Variants in XRCC2 observed in about 807,000 individuals in gnomAD.
The protein encoded by XRCC2 is X-ray repair cross complementing 2, also known as DNA repair protein XRCC2.
In XRCC2, 24 loss-of-function variants were observed where a neutral mutation model predicts 27.3. The observed-to-expected ratio is 0.88, with a 90% CI of 0.64 to 1.24. XRCC2 has a LOEUF of 1.24. Among genes scored for constraint, XRCC2 ranks in the 50% most tolerant of loss-of-function variants. The pLI is 0.00. For missense variants in XRCC2, 321 were observed against 325.8 expected (o/e 0.99, Z 0.11); for synonymous variants, 106 against 115.4 (o/e 0.92, Z 0.52).
At chr7:152,669,781 A>C (rs1259784324) in intron 1 of XRCC2, among the ~76,000 whole-genome samples, 1 of 152,010 alleles carries the variant, frequency 6.6e-6, no homozygotes, top group Non-Finnish European at 1.5e-5. Flanking sequence ...AGATGTAGCC[A>C]ACACAGTTGC....
chr7:152,662,888 T>A (rs1047360204), intron 1 of XRCC2, among the ~76,000 whole-genome samples: 1 of 152,186 alleles, frequency 6.6e-6, no homozygotes, highest in African/African-American at 2.4e-5. Flanking sequence ...TGCATTTTTT[T>A]AAACCAAATC....
chr7:152,667,977 G>A (rs3218419), intron 1 of XRCC2, among the ~76,000 whole-genome samples: 108 of 147,502 alleles, frequency 7.3e-4, no homozygotes, highest in African/African-American at 2.6e-3. Flanking sequence ...GCAGTGAGCC[G>A]AGATCACACC....
Position 152,660,851 on chromosome 7 carries a change from C to T in XRCC2, c.40-69G>A, listed in dbSNP as rs935295468. Reference sequence around the variant, plus strand: ...AAAATCCTAGACATCTATATTTATACCATTTTCCGAAAGTCTGTAAGATTT... The same window carrying T: ...AAAATCCTAGACATCTATATTTATATCATTTTCCGAAAGTCTGTAAGATTT... On this transcript the variant is annotated intron_variant, in intron 1 of 2. Coordinates refer to ENST00000359321, the MANE Select transcript of XRCC2 (RefSeq NM_005431.2). The T allele has an allele frequency of 3.0e-6, 4 of 1,335,536 alleles. 1 individual carries two copies. Among genetic ancestry groups the T allele is most frequent in the Non-Finnish European group, 4.1e-6 (4 of 963,996 alleles). The allele number at this position is 1,335,536 out of a possible 1,614,324, so 82.7% of individuals were successfully genotyped here.
intron 2 of XRCC2, among the ~76,000 whole-genome samples, chr7:152,653,314 A>T (rs1161306182): frequency 1.3e-5 from 2 of 152,012 alleles, no homozygotes; most frequent in Non-Finnish European, 2.9e-5. Context: ...GTCCAATTAA[A>T]CCTCTTTCTT....
chr7:152,664,792 AATG>A (rs1167642425), intron 1 of XRCC2, among the ~76,000 whole-genome samples: 38 of 152,230 alleles, frequency 2.5e-4, no homozygotes, highest in African/African-American at 8.9e-4. Context: ...CCTCTTCAGG[AATG>A]ATAACTGGTT....
At chr7:152,661,709 A>G (rs1716874122) in intron 1 of XRCC2, among the ~76,000 whole-genome samples, 1 of 152,244 alleles carries the variant, frequency 6.6e-6, no homozygotes, top group Non-Finnish European at 1.5e-5. Flanking sequence ...AGCAGAAGTC[A>G]GAGCATGGAA....
Position 152,674,720 on chromosome 7 carries a change from T to TAAAAATATATTTATAATATAGATTATA in XRCC2, c.39+1320_39+1321insTATAATCTATATTATAAATATATTTTT, listed in dbSNP as rs1563035286. Among the ~76,000 whole-genome samples, 2 of 49,864 alleles carry TAAAAATATATTTATAATATAGATTATA rather than the reference T, an allele frequency of 4.0e-5. 1 individual carries two copies. The highest frequency in any genetic ancestry group is 7.0e-5 in the Non-Finnish European group (2 of 28,668). 32.7% of individuals were successfully genotyped at this position (49,864 alleles called of 152,430 possible). A position where few individuals can be genotyped will look rare whatever the true frequency, so the allele number is the denominator to read the frequency against. ...AAATATATATTTATATAATATATTT[T>TAAAAATATATTTATAATATAGATTATA]TAAATATATATTATATATAAATATA... On this transcript the variant is annotated intron_variant, in intron 1 of 2. Transcript: ENST00000359321.
chr7:152,650,217 T>C (rs991107398), intron 2 of XRCC2, among the ~76,000 whole-genome samples: 1 of 152,252 alleles, frequency 6.6e-6, no homozygotes, highest in Non-Finnish European at 1.5e-5. Flanking sequence ...TCTCAGACCC[T>C]AAATGCCAAC....
chr7:152,675,866 C>T (rs2098040821), intron 1 of XRCC2, among the ~76,000 whole-genome samples, 175 bp downstream of exon 1: 1 of 152,068 alleles, frequency 6.6e-6, no homozygotes. Flanking sequence ...CCCTGGGGCC[C>T]AGGTGAGAGG....
chr7:152,649,147 C>T lies in XRCC2; in HGVS notation c.338G>A (p.Gly113Glu). ...SSEEIIKYCL[G>E]RFFLVYCSSS... ...ACTGCAGTACACCAAAAAAAATCTT[C>T]CCAGGCAGTATTTGATTATTTCTTC... Residue 113 changes from glycine to glutamate, a missense_variant, in exon 3 of 3, where the codon GGA becomes GAA. Physicochemically the swap from Gly to Glu is moderately conservative, Grantham distance 98. Transcript: ENST00000359321. 6.2e-7 allele frequency: 1 copy of T among 1,613,650 alleles called. No homozygotes were observed. The highest frequency in any genetic ancestry group is 8.5e-7 in the Non-Finnish European group (1 of 1,179,904).
intron 2 of XRCC2, 54 bp from the exon 3 acceptor site, chr7:152,649,417 C>A (rs2098027566): frequency 5.3e-6 from 8 of 1,495,918 alleles, no homozygotes; most frequent in Admixed American, 2.3e-5. Flanking sequence ...GGGTAGGTTA[C>A]AAAATGCAAA....
At chr7:152,652,031 CG>C (rs2098028740) in intron 2 of XRCC2, among the ~76,000 whole-genome samples, 1 of 151,674 alleles carries the variant, frequency 6.6e-6, no homozygotes, top group Non-Finnish European at 1.5e-5. Context: ...AATAGCCGGG[CG>C]TGGTAGCATG....
At chr7:152,660,491 T>C (rs1343894973) in intron 2 of XRCC2, among the ~76,000 whole-genome samples, 3 of 152,190 alleles carry the variant, frequency 2.0e-5, no homozygotes, top group African/African-American at 7.2e-5. Context: ...GGTCAAGGCA[T>C]ATTCTGAAGA....
chr7:152,663,713 C>A (rs1374578603), intron 1 of XRCC2, among the ~76,000 whole-genome samples: 1 of 152,158 alleles, frequency 6.6e-6, no homozygotes, highest in African/African-American at 2.4e-5. Flanking sequence ...GTGGCATACA[C>A]CTGTAGTCCC....
chr7:152,667,731 A>G (rs2098036561), intron 1 of XRCC2, among the ~76,000 whole-genome samples: 2 of 152,180 alleles, frequency 1.3e-5, no homozygotes, highest in South Asian at 4.1e-4. Flanking sequence ...CAAATTGTTA[A>G]TATTACAATT....
intron 2 of XRCC2, among the ~76,000 whole-genome samples, chr7:152,656,871 A>T (rs1394729535): frequency 6.6e-6 from 1 of 152,222 alleles, no homozygotes; most frequent in Non-Finnish European, 1.5e-5. Flanking sequence ...GGCTGAATGA[A>T]AGGACACAGT....
rs1057520526 is a variant in XRCC2, at chr7:152,648,983, A to G, written c.502T>C (p.Leu168=). 2 of 1,614,246 alleles carry G rather than the reference A, an allele frequency of 1.2e-6. No homozygotes were observed. Among genetic ancestry groups the G allele is most frequent in the Non-Finnish European group, 1.7e-6 (2 of 1,180,044 alleles). The change falls in exon 3 of 3, where the codon TTA becomes CTA. Residue 168 remains leucine (L), a synonymous_variant. Transcript: ENST00000359321. The part of the protein sequence containing the change: ...DRVNGGESVN[L]QESTLRKCSQ... ...CATTTCCTCAGAGTAGACTCCTGTA[A>G]GTTCACACTTTCTCCTCCATTGACG... is the stretch of plus-strand genomic sequence containing the variant.
In XRCC2 at chr7:152,646,231, C is replaced by CA. The variant is rs1443854438; in HGVS notation, c.*2410dup. 1 of 152,030 alleles carries CA rather than the reference C, an allele frequency of 6.6e-6. No individual in the cohort carries two copies. Among genetic ancestry groups the CA allele is most frequent in the Non-Finnish European group, 1.5e-5 (1 of 68,040 alleles). The allele number at this position is 152,030 out of a possible 1,614,324, so 9.4% of individuals were successfully genotyped here. ...CTCCCGGACAATGCAAGGACCTTAG[C>CA]ACACTAATTCTTCTGCTCCTAATGT... On this transcript the variant is annotated 3_prime_UTR_variant, in exon 3 of 3. Transcript: ENST00000359321.
rs796735791 is a variant in XRCC2 at position 152,646,301 on chromosome 7, G to GGTGGGTGTGTGTGTGTGTGTGTGTGTGT, written c.*2340_*2341insACACACACACACACACACACACACCCAC. The GGTGGGTGTGTGTGTGTGTGTGTGTGTGT allele has an allele frequency of 2.0e-5, 3 of 149,184 alleles. No individual in the cohort carries two copies. Among genetic ancestry groups the GGTGGGTGTGTGTGTGTGTGTGTGTGTGT allele is most frequent in the African/African-American group, 7.4e-5 (3 of 40,628 alleles). The allele number at this position is 149,184 out of a possible 1,614,324, so 9.2% of individuals were successfully genotyped here. On this transcript the variant is annotated 3_prime_UTR_variant, in exon 3 of 3. Coordinates refer to ENST00000359321, the MANE Select transcript of XRCC2 (RefSeq NM_005431.2). ...GCCACGTATTCTAAGTCTGTGAGAG[G>GGTGGGTGTGTGTGTGTGTGTGTGTGTGT]GTGTGTGTGTGTGTGTGTGTGTGTG...
Sources: gnomAD v4.1 joint callset for allele counts (sites outside exome capture counted in the v4.1 genomes callset) on GRCh38, gnomAD v4.1.1 for gene constraint, MANE v1.5 for transcripts, NCBI Gene and HGNC (gene_info 2026-07-23, HGNC 2026-07-21) for gene names.